Variants in ANAPC10 observed in about 807,000 individuals in gnomAD.
ANAPC10 encodes the protein anaphase promoting complex subunit 10.
A neutral mutation model predicts 22.0 loss-of-function variants in ANAPC10; 12 were observed. The observed-to-expected ratio is 0.55, with a 90% CI of 0.35 to 0.88. The LOEUF (loss-of-function observed/expected upper bound fraction) is 0.88. Ranked by LOEUF, ANAPC10 falls within the 40% of genes least tolerant of loss-of-function variation. The pLI is 0.01. For missense variants in ANAPC10, 188 were observed against 220.9 expected (o/e 0.85, Z 0.94); for synonymous variants, 65 against 69.5 (o/e 0.94, Z 0.32).
chr4:145,079,043 T>C (rs1352351044), intron 3 of ANAPC10, among the ~76,000 whole-genome samples: 5 of 152,082 alleles, frequency 3.3e-5, no homozygotes, highest in African/African-American at 1.2e-4. Context: ...TGGGACCTAA[T>C]TAAACCAAAG....
chr4:145,012,395 T>G (rs1186741285), intron 4 of ANAPC10, among the ~76,000 whole-genome samples: 2 of 151,848 alleles, frequency 1.3e-5, no homozygotes, highest in Non-Finnish European at 2.9e-5. Flanking sequence ...GAAATGACTA[T>G]GATTAACATG....
At position 145,031,583 on chromosome 4, in the gene ANAPC10, G is replaced by A. The variant is rs184075430; in HGVS notation, c.327+32989C>T. On this transcript the variant is annotated intron_variant, in intron 4 of 4. Coordinates refer to ENST00000507656, the MANE Select transcript of ANAPC10 (RefSeq NM_001256706.2). The stretch of plus-strand genomic sequence containing the variant: ...ACCTGAAAGGCTGACAGTTTTGAGT[G>A]GGGTCCAGAACAGGAGAAGGCTCTG... Among the ~76,000 whole-genome samples, 26 of 152,324 alleles carry A rather than the reference G, an allele frequency of 1.7e-4. No homozygotes were observed. In the East Asian group the frequency reaches 5.0e-3, roughly 29 times the overall value.
At chr4:145,089,957 T>C (rs909587916) in intron 2 of ANAPC10, among the ~76,000 whole-genome samples, 10 of 152,196 alleles carry the variant, frequency 6.6e-5, no homozygotes, top group Non-Finnish European at 4.4e-5. Flanking sequence ...CAGTAAAGTA[T>C]GAATTGTTTA....
At chr4:145,002,146 G>A (rs17724756) in intron 4 of ANAPC10, among the ~76,000 whole-genome samples, 2,292 of 152,256 alleles carry the variant, frequency 0.015, 28 homozygotes, top group Non-Finnish European at 0.025. Context: ...GTCAACACAT[G>A]AAGCAGCAGA....
intron 2 of ANAPC10, among the ~76,000 whole-genome samples, chr4:145,084,517 C>T (rs1288556501): frequency 6.6e-6 from 1 of 151,960 alleles, no homozygotes; most frequent in Non-Finnish European, 1.5e-5. Flanking sequence ...CTGGGCCACA[C>T]TGGAAGAAGA....
At chr4:145,017,255 G>C (rs1320470237) in intron 4 of ANAPC10, among the ~76,000 whole-genome samples, 4 of 151,684 alleles carry the variant, frequency 2.6e-5, no homozygotes, top group African/African-American at 9.7e-5. Context: ...AATCTACAAA[G>C]AACTCAAACA....
chr4:145,044,626 T>C (rs557195992), intron 4 of ANAPC10, among the ~76,000 whole-genome samples: 12 of 152,254 alleles, frequency 7.9e-5, no homozygotes, highest in African/African-American at 2.4e-4. Context: ...GTTTCTATTA[T>C]ACTGACAGGG....
chr4:145,054,906 C>T (rs1741820506), intron 4 of ANAPC10, among the ~76,000 whole-genome samples: 1 of 152,116 alleles, frequency 6.6e-6, no homozygotes, highest in Non-Finnish European at 1.5e-5. Flanking sequence ...TAGTTGTACT[C>T]TTCTACTTTA....
chr4:145,085,168 G>C (rs530671579), intron 2 of ANAPC10, among the ~76,000 whole-genome samples: 42 of 152,106 alleles, frequency 2.8e-4, no homozygotes, highest in Non-Finnish European at 4.6e-4. Context: ...GAGGCAGGGG[G>C]ATCACTTGAG....
At chr4:145,059,637 A>ACTTTGAG (rs1742588690) in intron 4 of ANAPC10, among the ~76,000 whole-genome samples, 1 of 152,138 alleles carries the variant, frequency 6.6e-6, no homozygotes, top group Non-Finnish European at 1.5e-5. Context: ...ACAATATAGA[A>ACTTTGAG]ATAATTTGAG....
intron 2 of ANAPC10, among the ~76,000 whole-genome samples, chr4:145,094,563 AT>A (rs1377999250): frequency 1.3e-5 from 2 of 152,196 alleles, no homozygotes; most frequent in Non-Finnish European, 2.9e-5. Context: ...GAGAGGATGG[AT>A]ACAGGAGTCA....
At chr4:145,074,865 TAA>T (rs1744972773) in intron 3 of ANAPC10, among the ~76,000 whole-genome samples, 1 of 152,236 alleles carries the variant, frequency 6.6e-6, no homozygotes, top group African/African-American at 2.4e-5. Flanking sequence ...CCTTTTGGGC[TAA>T]GTTTTTTCTT....
At chr4:145,079,880 G>A (rs1039786341) in intron 3 of ANAPC10, among the ~76,000 whole-genome samples, 2 of 152,048 alleles carry the variant, frequency 1.3e-5, no homozygotes, top group Non-Finnish European at 2.9e-5. Context: ...TTGGGAGGCC[G>A]AGGCGGCTAG....
chr4:145,081,886 A>G (rs1217173207), intron 2 of ANAPC10, 136 bp from the exon 3 acceptor site: 29 of 691,428 alleles, frequency 4.2e-5, no homozygotes. Flanking sequence ...TTTTTTATTT[A>G]TTTTTTGTAG....
intron 2 of ANAPC10, among the ~76,000 whole-genome samples, chr4:145,083,575 G>C (rs1325493661): frequency 6.6e-6 from 1 of 152,054 alleles, no homozygotes; most frequent in African/African-American, 2.4e-5. Flanking sequence ...GTAAAAGTTG[G>C]TATGTTCTGA....
chr4:145,010,566 C>A (rs1055329296), intron 4 of ANAPC10, among the ~76,000 whole-genome samples: 1 of 152,062 alleles, frequency 6.6e-6, no homozygotes, highest in Non-Finnish European at 1.5e-5. Flanking sequence ...AGCAAACTAT[C>A]GCAAAGACAG....
chr4:145,079,528 G>T (rs1560921136), intron 3 of ANAPC10, among the ~76,000 whole-genome samples: 2 of 152,308 alleles, frequency 1.3e-5, no homozygotes, highest in East Asian at 3.9e-4. Flanking sequence ...CCATTACTGG[G>T]TATATATCCA....
intron 4 of ANAPC10, among the ~76,000 whole-genome samples, chr4:145,031,245 T>C (rs1440657877): frequency 6.6e-6 from 1 of 152,202 alleles, no homozygotes; most frequent in Non-Finnish European, 1.5e-5. Context: ...TCCATTACAT[T>C]GATGACATTG....
At position 145,064,043 on chromosome 4, in the gene ANAPC10, T is replaced by C. The variant is rs530350274; in HGVS notation, c.327+529A>G. On this transcript the variant is annotated intron_variant, in intron 4 of 4. Coordinates refer to ENST00000507656, the MANE Select transcript of ANAPC10 (RefSeq NM_001256706.2). The stretch of plus-strand genomic sequence containing the variant: ...TCTCTGGAGTGGTGGAAATGTTCTA[T>C]ATTTTAACAGGAGTTGGGATTACAT... 2.6e-5 allele frequency: 4 copies of C among 152,240 alleles called. No homozygotes were observed. In the South Asian group the frequency reaches 8.3e-4, roughly 32 times the overall value. The allele number at this position is 152,240 out of a possible 1,614,324, so 9.4% of individuals were successfully genotyped here. A position where few individuals can be genotyped will look rare whatever the true frequency, so the allele number is the denominator to read the frequency against.
Sources: gnomAD v4.1 joint callset for allele counts (sites outside exome capture counted in the v4.1 genomes callset) on GRCh38, gnomAD v4.1.1 for gene constraint, MANE v1.5 for transcripts, NCBI Gene and HGNC (gene_info 2026-07-23, HGNC 2026-07-21) for gene names.